COL18A1: variants seen among roughly 807,000 people sequenced by gnomAD.
COL18A1 encodes the protein collagen type XVIII alpha 1 chain, also known as collagen alpha-1(XVIII) chain.
Under a neutral mutation model 168.0 loss-of-function variants are expected in COL18A1, and 133 were observed. The ratio of observed to expected loss-of-function variants is 0.79; its 90% CI spans 0.69 to 0.91. The LOEUF (loss-of-function observed/expected upper bound fraction) is 0.91, where lower values mean the gene tolerates loss of function less well. Among genes scored for constraint, COL18A1 ranks in the 40% least tolerant of loss-of-function variants. The pLI is 0.00. For synonymous variants in COL18A1, 949 were observed against 809.0 expected, an observed-to-expected ratio of 1.17 and a Z score of -2.94; for missense variants, 2,126 against 1,925.4, an observed-to-expected ratio of 1.10 and a Z score of -1.95.
rs2033758328 is a variant in COL18A1 at position 45,425,236 on chromosome 21, G to A, written c.106+19763G>A. On this transcript the variant is annotated intron_variant, in intron 2 of 41. Transcript: ENST00000651438. This position sits in a 1 kb window ranked among gnomAD's most constrained non-coding sequence, Gnocchi z 4.1. The stretch of plus-strand genomic sequence containing the variant: ...TGTGTGTGCTGAGTGCAGTGTGACC[G>A]CGTCCGCCCGTCTCCCCGGACACGC... Among the ~76,000 whole-genome samples the A allele has an allele frequency of 6.6e-6, 1 of 152,162 alleles. No individual in the cohort carries two copies. Among genetic ancestry groups the A allele is most frequent in the South Asian group, 2.1e-4 (1 of 4,830 alleles).
chr21:45,499,954 C>T (rs1486133705), intron 32 of COL18A1, among the ~76,000 whole-genome samples: 2 of 152,218 alleles, frequency 1.3e-5, no homozygotes, highest in South Asian at 2.1e-4. Flanking sequence ...AGGGTAGATA[C>T]ATCCATTGAA....
rs2035299752 is a variant in COL18A1, at chr21:45,468,563, G to A, written c.428G>A (p.Gly143Asp). 4.3e-6 allele frequency: 7 copies of A among 1,613,434 alleles called. No individual in the cohort carries two copies. The highest frequency in any genetic ancestry group is 2.2e-5 in the East Asian group (1 of 44,896). ...ATCTCCCTGCTCTACACAGAACCAG[G>A]TGCAGGCCAGACCCACACAGCCGCC... ...QDISLLYTEP[G>D]AGQTHTAASF... Residue 143 changes from glycine to aspartate, a missense_variant, in exon 3 of 42, where the codon GGT (glycine) becomes GAT (aspartate). Coordinates refer to ENST00000651438, the MANE Select transcript of COL18A1 (RefSeq NM_001379500.1).
intron 2 of COL18A1, among the ~76,000 whole-genome samples, chr21:45,416,425 C>T (rs1410563194): frequency 6.6e-6 from 1 of 151,062 alleles, no homozygotes. Context: ...GTGGGGACCG[C>T]GAGGCTCCGC....
chr21:45,502,874 C>T (rs1021969570), intron 32 of COL18A1: 1 of 152,166 alleles, frequency 6.6e-6, no homozygotes, highest in Admixed American at 6.5e-5. Flanking sequence ...CACGTAAGCC[C>T]CACAAGTGGA....
At chr21:45,494,611 A>T (rs375829738) in intron 27 of COL18A1, 40 bp downstream of exon 27, 20 of 1,612,544 alleles carry the variant, frequency 1.2e-5, no homozygotes, top group Non-Finnish European at 1.6e-5. Flanking sequence ...GAGCTCGGGC[A>T]TGACGGCCCC....
At chr21:45,480,022 G>A (rs1429943367) in intron 10 of COL18A1, 48 bp from the exon 11 acceptor site, 1 of 1,613,196 alleles carries the variant, frequency 6.2e-7, no homozygotes, top group Admixed American at 1.7e-5. Flanking sequence ...CTCAAGGTGG[G>A]GGCTGTGTGC....
intron 6 of COL18A1, among the ~76,000 whole-genome samples, chr21:45,477,197 C>T (rs139592667): frequency 6.6e-5 from 10 of 152,284 alleles, no homozygotes; most frequent in South Asian, 4.1e-4. Flanking sequence ...ATGGCCACAC[C>T]GGCCTCACTG....
intron 29 of COL18A1, 28 bp downstream of exon 29, chr21:45,495,460 G>A: frequency 6.3e-7 from 1 of 1,574,974 alleles, no homozygotes. Context: ...GGCGGACTGG[G>A]TGGCTGGGAG....
At chr21:45,501,827 C>T (rs11702331) in intron 32 of COL18A1, among the ~76,000 whole-genome samples, 704 of 42,056 alleles carry the variant, frequency 0.017, 33 homozygotes, top group Middle Eastern at 0.042. Flanking sequence ...CCCAGGGGCT[C>T]CACAGCCGGT....
chr21:45,431,335 G>A (rs1398081265), intron 2 of COL18A1, among the ~76,000 whole-genome samples: 7 of 150,822 alleles, frequency 4.6e-5, no homozygotes, highest in Admixed American at 1.3e-4. Flanking sequence ...ACAGCGGAGC[G>A]TGTGTGGACC....
chr21:45,459,186 C>T (rs749868792), intron 2 of COL18A1, among the ~76,000 whole-genome samples: 41 of 152,310 alleles, frequency 2.7e-4, no homozygotes, highest in Non-Finnish European at 4.1e-4. Context: ...GCCCCCTCTT[C>T]TGGCCTCTCA....
Position 45,487,100 on chromosome 21 carries a change from C to T in COL18A1, c.1833+108C>T. On this transcript the variant is annotated intron_variant, in intron 16 of 41. Transcript: ENST00000651438. The stretch of plus-strand genomic sequence containing the variant: ...AGAGCAGCACGTCCTGGGCGGTGGC[C>T]TTGCTGGCACTGCCTCATCCTGGGA... 1.0e-5 allele frequency: 11 copies of T among 1,075,032 alleles called. No homozygotes were observed. The South Asian group carries it at 1.8e-4, about 18-fold the overall frequency. 66.6% of individuals were successfully genotyped at this position (1,075,032 alleles called of 1,614,324 possible).
intron 2 of COL18A1, among the ~76,000 whole-genome samples, chr21:45,439,966 G>A (rs185243290): frequency 1.7e-3 from 259 of 152,358 alleles, no homozygotes; most frequent in African/African-American, 5.9e-3. Flanking sequence ...CTCGGGCTGC[G>A]CGCTGGTGCC....
intron 13 of COL18A1, 68 bp from the exon 14 acceptor site, chr21:45,481,895 C>T (rs1201790570): frequency 8.8e-7 from 1 of 1,133,996 alleles, no homozygotes; most frequent in Non-Finnish European, 1.3e-6. Context: ...CCCAGATAAC[C>T]TGTTAACCCA....
intron 21 of COL18A1, 131 bp downstream of exon 21, chr21:45,491,002 A>C: frequency 1.0e-6 from 1 of 963,924 alleles, no homozygotes; most frequent in Non-Finnish European, 1.6e-6. Context: ...AAGACCCTCA[A>C]GTTGACAGGG....
At chr21:45,467,482 G>C (rs1602453687) in intron 2 of COL18A1, 2 of 966,026 alleles carry the variant, frequency 2.1e-6, no homozygotes, top group Non-Finnish European at 2.5e-6. Flanking sequence ...ATCAGCATGG[G>C]GGGGATGGGG....
intron 36 of COL18A1, 35 bp from the exon 37 acceptor site, chr21:45,505,803 G>GCCCTCCCCA (rs766603908): frequency 6.2e-6 from 4 of 641,726 alleles, no homozygotes; most frequent in Admixed American, 4.5e-5. Context: ...CGCCCTCCCC[G>GCCCTCCCCA]CCAAGCCCCA....
intron 1 of COL18A1, 57 bp downstream of exon 1, chr21:45,405,298 C>CCCGGGGGTCGGCTGGGTCCT (rs1461390052): frequency 3.9e-6 from 2 of 518,716 alleles, no homozygotes; most frequent in Non-Finnish European, 4.8e-6. Context: ...CTGCGGGGGT[C>CCCGGGGGTCGGCTGGGTCCT]GCGGGGGTCG....
Position 45,476,424 on chromosome 21 carries a change from C to A in COL18A1, c.872C>A (p.Thr291Lys), listed in dbSNP as rs201652671. 6.2e-7 allele frequency: 1 copy of A among 1,613,968 alleles called. No homozygotes were observed. The highest frequency in any genetic ancestry group is 8.5e-7 in the Non-Finnish European group (1 of 1,180,020). ...TTPPLAGGSSTEDSRSEEVEE... is the reference protein window; with the variant it reads ...TTPPLAGGSSKEDSRSEEVEE... ...CCACCCTTGGCTGGAGGCAGCAGCA[C>A]GGAAGATTCCAGAAGTGAAGAAGTC... The change falls in exon 6 of 42, where the codon ACG becomes AAG. Residue 291 changes from threonine (T) to lysine (K), a missense_variant. Physicochemically the swap from Thr to Lys is moderately conservative, Grantham distance 78 (BLOSUM62 -1). Coordinates refer to ENST00000651438, the MANE Select transcript of COL18A1 (RefSeq NM_001379500.1).
Sources: gnomAD v4.1 joint callset for allele counts (sites outside exome capture counted in the v4.1 genomes callset) on GRCh38, gnomAD v4.1.1 for gene constraint, Gnocchi (gnomAD v3.1) non-coding constraint, MANE v1.5 for transcripts, NCBI Gene and HGNC (gene_info 2026-07-23, HGNC 2026-07-21) for gene names.